NRG2: variants seen among roughly 807,000 people sequenced by gnomAD.
The protein encoded by NRG2 is pro-neuregulin-2, membrane-bound isoform.
A neutral mutation model predicts 73.9 loss-of-function variants in NRG2; 27 were observed. The observed-to-expected ratio is 0.37, with a 90% confidence interval of 0.27 to 0.50. The LOEUF is 0.50. Among genes scored for constraint, NRG2 ranks in the 20% least tolerant of loss-of-function variants. The probability of loss-of-function intolerance (pLI) is 0.96; values close to 1 mark genes in which losing one functional copy is unlikely to be tolerated. For synonymous variants in NRG2, 532 were observed against 541.0 expected, an observed-to-expected ratio of 0.98 and a Z score of 0.23; for missense variants, 1,126 against 1,210.1, an observed-to-expected ratio of 0.93 and a Z score of 1.03.
chr5:139,881,123 T>A, intron 2 of NRG2, 149 bp from the exon 3 acceptor site: 1 of 654,606 alleles, frequency 1.5e-6, no homozygotes, highest in Non-Finnish European at 2.7e-6. Context: ...CAGCAATTTC[T>A]GGAGTCCAGG....
Position 140,042,888 on chromosome 5 carries a change from G to A in NRG2, c.182C>T (p.Ala61Val). 1.3e-6 allele frequency: 2 copies of A among 1,520,584 alleles called. No individual in the cohort carries two copies. Among genetic ancestry groups the A allele is most frequent in the Non-Finnish European group, 1.8e-6 (2 of 1,135,784 alleles). The allele number at this position is 1,520,584 out of a possible 1,614,324, so 94.2% of individuals were successfully genotyped here. ...SNNSSISRPAAPPEPRPQQQP... is the reference protein window; with the variant it reads ...SNNSSISRPAVPPEPRPQQQP... Reference sequence around the variant, plus strand: ...TTGCTGCGGCCGCGGCTCTGGGGGCGCAGCGGGACGAGAGATGCTGCTGTT... The same window carrying A: ...TTGCTGCGGCCGCGGCTCTGGGGGCACAGCGGGACGAGAGATGCTGCTGTT... Residue 61 changes from alanine (A) to valine (V), a missense_variant, in exon 1 of 10, where the codon GCG (alanine) becomes GTG (valine). This residue lies in a region of NRG2 where 185 missense variants were observed against 149.0 expected (regional missense o/e 1.24). Transcript: ENST00000361474.
intron 1 of NRG2, among the ~76,000 whole-genome samples, chr5:139,956,255 T>C (rs1323464617): frequency 6.6e-6 from 1 of 152,052 alleles, no homozygotes; most frequent in Admixed American, 6.5e-5. Context: ...CTGCACAATA[T>C]GGGCACCTGG....
chr5:140,000,676 G>C (rs924128126), intron 1 of NRG2, among the ~76,000 whole-genome samples: 2 of 152,144 alleles, frequency 1.3e-5, no homozygotes, highest in African/African-American at 4.8e-5. Context: ...GGCTCTCTTC[G>C]GAGCTCTCGA....
At chr5:139,872,866 C>T (rs1762951108) in intron 3 of NRG2, among the ~76,000 whole-genome samples, 1 of 152,228 alleles carries the variant, frequency 6.6e-6, no homozygotes, top group African/African-American at 2.4e-5. Context: ...CCGGACTGGA[C>T]AGCCAGAAGC....
At chr5:139,944,699 G>T (rs1388772671) in intron 1 of NRG2, among the ~76,000 whole-genome samples, 1 of 152,116 alleles carries the variant, frequency 6.6e-6, no homozygotes, top group Non-Finnish European at 1.5e-5. Context: ...TCACTATTGT[G>T]AACAGTGCTG....
At position 139,851,708 on chromosome 5, in the gene NRG2, C is replaced by T; in HGVS notation, c.1668G>A (p.Arg556=). The T allele has an allele frequency of 1.9e-6, 3 of 1,614,212 alleles. No individual in the cohort carries two copies. The highest frequency in any genetic ancestry group is 2.2e-5 in the East Asian group (1 of 44,882). The change falls in exon 9 of 10, where the codon CGG becomes CGA. Residue 556 remains arginine, a synonymous_variant. Transcript: ENST00000361474. This position sits in a 1 kb window ranked among gnomAD's most constrained non-coding sequence, Gnocchi z 4.2. ...KCNSPACVEA[R]ARRAAAYNLE... ...GGTTGTAGGCTGCTGCCCGCCTTGC[C>T]CGGGCCTCCACACATGCTGGGCTGT... is the stretch of plus-strand genomic sequence containing the variant.
intron 1 of NRG2, among the ~76,000 whole-genome samples, chr5:139,986,465 G>T (rs561642796): frequency 2.0e-5 from 3 of 152,272 alleles, no homozygotes; most frequent in African/African-American, 7.2e-5. Flanking sequence ...CTCAAGACCG[G>T]AGAGAAAGAA....
At chr5:139,926,126 G>A (rs752519028) in intron 1 of NRG2, among the ~76,000 whole-genome samples, 1 of 152,260 alleles carries the variant, frequency 6.6e-6, no homozygotes, top group Non-Finnish European at 1.5e-5. Flanking sequence ...CAGGAAGAGA[G>A]CAGAAGTACC....
chr5:140,000,183 G>A (rs1175012911), intron 1 of NRG2, among the ~76,000 whole-genome samples: 1 of 152,200 alleles, frequency 6.6e-6, no homozygotes, highest in African/African-American at 2.4e-5. Flanking sequence ...TCTTGAGTCT[G>A]GAGGTTCTCA....
chr5:139,977,709 G>A (rs1251765530), intron 1 of NRG2, among the ~76,000 whole-genome samples: 1 of 152,212 alleles, frequency 6.6e-6, no homozygotes, highest in Non-Finnish European at 1.5e-5. Flanking sequence ...CAAGGCTACA[G>A]TAACCAAAAC....
At chr5:139,881,381 G>C (rs986086428) in intron 2 of NRG2, among the ~76,000 whole-genome samples, 9 of 152,180 alleles carry the variant, frequency 5.9e-5, no homozygotes, top group Admixed American at 4.6e-4. Flanking sequence ...GGGTATGCAA[G>C]ACCTGTTCCC....
Position 139,868,694 on chromosome 5 carries a change from T to C in NRG2, c.1112+3027A>G, listed in dbSNP as rs1426116087. ...TCTCCTTTTGGTAGCCTGGGGATAA[T>C]GCCATGTGTGCTGCCCTCACCCGGG... is the stretch of plus-strand genomic sequence containing the variant. On this transcript the variant is annotated intron_variant, in intron 4 of 9. Transcript: ENST00000361474. The surrounding 1 kb of genome is among the most constrained non-coding windows in gnomAD (Gnocchi z 4.2). 6.6e-6 allele frequency among the ~76,000 whole-genome samples: 1 copy of C among 152,040 alleles called. No individual in the cohort carries two copies. The highest frequency in any genetic ancestry group is 6.5e-5 in the Admixed American group (1 of 15,272).
chr5:139,931,452 G>C (rs1373646200), intron 1 of NRG2, among the ~76,000 whole-genome samples: 1 of 152,180 alleles, frequency 6.6e-6, no homozygotes, highest in East Asian at 1.9e-4. Context: ...GGTAGGAAGA[G>C]ATGAAACAGA....
chr5:139,962,016 G>A (rs1455880869), intron 1 of NRG2, among the ~76,000 whole-genome samples: 1 of 152,152 alleles, frequency 6.6e-6, no homozygotes, highest in Non-Finnish European at 1.5e-5. Context: ...CAGAGAGCTG[G>A]TCATTGGGAT....
At chr5:140,037,839 C>T (rs1044222078) in intron 1 of NRG2, among the ~76,000 whole-genome samples, 10 of 138,016 alleles carry the variant, frequency 7.2e-5, no homozygotes, top group East Asian at 4.4e-4. Context: ...ACCAGGGAGA[C>T]GGAGGTTGCA....
chr5:139,908,142 C>T (rs982799436), intron 1 of NRG2, among the ~76,000 whole-genome samples: 7 of 152,238 alleles, frequency 4.6e-5, no homozygotes, highest in African/African-American at 1.7e-4. Flanking sequence ...GCTCTTTACT[C>T]TGAGACTAGA....
In NRG2 at chr5:139,855,774, G is replaced by T. The variant is rs368126033; in HGVS notation, c.1194C>A (p.Ala398=). Residue 398 remains alanine, a synonymous_variant, in exon 6 of 10, where the codon GCC becomes GCA. Transcript: ENST00000361474. ...RLYMPDPKQK[A]EELYQKRVLT... is the part of the protein sequence containing the mutation. Reference sequence around the variant, plus strand: ...GGACCCTCTTCTGGTACAGCTCCTCGGCTTCTGCAGAGGTAGGGTAGATGT... The same window carrying T: ...GGACCCTCTTCTGGTACAGCTCCTCTGCTTCTGCAGAGGTAGGGTAGATGT... The T allele has an allele frequency of 2.5e-5, 40 of 1,612,846 alleles. No individual in the cohort carries two copies. Among genetic ancestry groups the T allele is most frequent in the Admixed American group, 5.0e-5 (3 of 60,002 alleles).
chr5:139,940,247 A>C (rs1415377641), intron 1 of NRG2, among the ~76,000 whole-genome samples: 1 of 152,238 alleles, frequency 6.6e-6, no homozygotes, highest in Non-Finnish European at 1.5e-5. Flanking sequence ...AAACAATGGA[A>C]TACTACTGAG....
intron 1 of NRG2, among the ~76,000 whole-genome samples, chr5:139,927,374 G>A (rs918112599): frequency 6.6e-6 from 1 of 151,992 alleles, no homozygotes; most frequent in Non-Finnish European, 1.5e-5. Flanking sequence ...TCATTGCAGT[G>A]AGCTCCAGGC....
Sources: gnomAD v4.1 joint callset for allele counts (sites outside exome capture counted in the v4.1 genomes callset) on GRCh38, gnomAD v4.1.1 for gene constraint, gnomAD v4.1.1 regional missense constraint, Gnocchi (gnomAD v3.1) non-coding constraint, MANE v1.5 for transcripts, NCBI Gene and HGNC (gene_info 2026-07-23, HGNC 2026-07-21) for gene names.